The following LYPD6 variants were observed in gnomAD, a reference collection of about 807,000 sequenced individuals.
The protein encoded by LYPD6 is ly6/PLAUR domain-containing protein 6.
Under a neutral mutation model 22.7 loss-of-function variants are expected in LYPD6, and 15 were observed. The observed-to-expected ratio is 0.66, with a 90% CI of 0.44 to 1.02. The LOEUF is 1.02. Among genes scored for constraint, LYPD6 ranks in the 50% least tolerant of loss-of-function variants. LYPD6 has a pLI of 0.00. For synonymous variants in LYPD6, 72 were observed against 77.5 expected (o/e 0.93, Z 0.37); for missense variants, 189 against 208.4 (o/e 0.91, Z 0.57).
chr2:149,429,523 A>T (rs1403478391), intron 1 of LYPD6, among the ~76,000 whole-genome samples: 1 of 152,250 alleles, frequency 6.6e-6, no homozygotes, highest in Non-Finnish European at 1.5e-5. Context: ...ATGTGTTCTT[A>T]AAAATGCTAC....
intron 1 of LYPD6, among the ~76,000 whole-genome samples, chr2:149,368,602 ATGT>A (rs1681732332): frequency 6.6e-6 from 1 of 152,158 alleles, no homozygotes; most frequent in Non-Finnish European, 1.5e-5. Flanking sequence ...GAGTTCTTGG[ATGT>A]TGTTCCAGGG....
Position 149,364,068 on chromosome 2 carries a change from C to T in LYPD6, c.-72+33346C>T, listed in dbSNP as rs182718749. ...TTATCTTGTAGCCCATAGGAAGGTA[C>T]GACTTATAGAAGATTTGCAATGATT... On this transcript the variant is annotated intron_variant, in intron 1 of 4. Coordinates refer to ENST00000334166, the MANE Select transcript of LYPD6 (RefSeq NM_194317.5). Among the ~76,000 whole-genome samples, 6 of 152,208 alleles carry T rather than the reference C, an allele frequency of 3.9e-5. No homozygotes were observed. The East Asian group carries it at 5.8e-4, about 15-fold the overall frequency.
chr2:149,358,990 A>G (rs1681518857), intron 1 of LYPD6, among the ~76,000 whole-genome samples: 1 of 152,184 alleles, frequency 6.6e-6, no homozygotes, highest in Non-Finnish European at 1.5e-5. Flanking sequence ...ATTATTCTTT[A>G]AATAAAACAA....
At chr2:149,366,878 C>A (rs1274215510) in intron 1 of LYPD6, among the ~76,000 whole-genome samples, 1 of 152,144 alleles carries the variant, frequency 6.6e-6, no homozygotes, top group Non-Finnish European at 1.5e-5. Context: ...TTCCATTCCC[C>A]CCCACTTCAT....
At chr2:149,350,421 G>C (rs1388534690) in intron 1 of LYPD6, among the ~76,000 whole-genome samples, 3 of 152,152 alleles carry the variant, frequency 2.0e-5, no homozygotes, top group Non-Finnish European at 4.4e-5. Context: ...ATGCCCATTT[G>C]TTCTTTGGGT....
intron 1 of LYPD6, among the ~76,000 whole-genome samples, chr2:149,415,189 A>T (rs1347270580): frequency 6.6e-6 from 1 of 152,158 alleles, no homozygotes; most frequent in Non-Finnish European, 1.5e-5. Context: ...AACTTGGTGT[A>T]GGATGTGGAG....
At chr2:149,485,878 T>A in the LYPD6 span, among the ~76,000 whole-genome samples, 1 of 152,156 alleles carries the variant, frequency 6.6e-6, no homozygotes, top group Non-Finnish European at 1.5e-5. Flanking sequence ...AAAGACACTA[T>A]GGCCTAAAGG....
At chr2:149,405,592 A>G (rs1460931563) in intron 1 of LYPD6, among the ~76,000 whole-genome samples, 3 of 152,146 alleles carry the variant, frequency 2.0e-5, no homozygotes, top group East Asian at 3.8e-4. Context: ...CCGCTTTATC[A>G]TTTTTTATTG....
At chr2:149,445,286 TTAACA>T (rs1683662364) in intron 2 of LYPD6, among the ~76,000 whole-genome samples, 1 of 152,254 alleles carries the variant, frequency 6.6e-6, no homozygotes, top group Non-Finnish European at 1.5e-5. Flanking sequence ...CAGAGTAGAC[TTAACA>T]TAATTTTTAA....
intron 1 of LYPD6, among the ~76,000 whole-genome samples, chr2:149,364,049 T>C (rs1034141057): frequency 3.9e-5 from 6 of 152,188 alleles, no homozygotes; most frequent in Admixed American, 3.9e-4. Flanking sequence ...ATTTTTATCT[T>C]GTAGCCCATA....
chr2:149,417,182 G>A (rs1682983190), intron 1 of LYPD6, among the ~76,000 whole-genome samples: 1 of 152,122 alleles, frequency 6.6e-6, no homozygotes, highest in Non-Finnish European at 1.5e-5. Flanking sequence ...ACATGCCAAG[G>A]GCAATTTCTT....
Position 149,353,690 on chromosome 2 carries a change from G to A in LYPD6, c.-72+22968G>A, listed in dbSNP as rs187880244. On this transcript the variant is annotated intron_variant, in intron 1 of 4. Coordinates refer to ENST00000334166, the MANE Select transcript of LYPD6 (RefSeq NM_194317.5). ...GGAAGGCAAATGAATTTGAACATCA[G>A]GTTACTCCTCCCCCTATAAAATTTG... Among the ~76,000 whole-genome samples the A allele has an allele frequency of 1.4e-3, 220 of 152,074 alleles. 1 individual carries two copies. The highest frequency in any genetic ancestry group is 5.1e-3 in the African/African-American group (210 of 41,478).
At chr2:149,459,728 C>T (rs747097065) in intron 3 of LYPD6, among the ~76,000 whole-genome samples, 2 of 151,908 alleles carry the variant, frequency 1.3e-5, no homozygotes, top group Non-Finnish European at 2.9e-5. Flanking sequence ...TTGATGAAAC[C>T]CCATCTCTAC....
chr2:149,421,226 T>C (rs376789554), intron 1 of LYPD6, among the ~76,000 whole-genome samples: 1 of 151,834 alleles, frequency 6.6e-6, no homozygotes, highest in Admixed American at 6.6e-5. Context: ...CTGTCTCTAT[T>C]AAAAATACAA....
At chr2:149,461,449 T>C (rs1681086148) in intron 3 of LYPD6, among the ~76,000 whole-genome samples, 1 of 151,904 alleles carries the variant, frequency 6.6e-6, no homozygotes, top group Admixed American at 6.6e-5. Context: ...TGGAGAATTT[T>C]ACCAAGTTTT....
intron 3 of LYPD6, among the ~76,000 whole-genome samples, chr2:149,452,075 T>C (rs367587848): frequency 6.6e-6 from 1 of 152,174 alleles, no homozygotes; most frequent in East Asian, 1.9e-4. Context: ...AGGTCCAGCA[T>C]TGAAGAGAAC....
chr2:149,409,239 G>A (rs1454402167), intron 1 of LYPD6, among the ~76,000 whole-genome samples: 1 of 152,212 alleles, frequency 6.6e-6, no homozygotes, highest in Non-Finnish European at 1.5e-5. Context: ...AGTGTCTGCA[G>A]AGTCCTGTGA....
At chr2:149,348,574 A>T (rs911715735) in intron 1 of LYPD6, among the ~76,000 whole-genome samples, 8 of 152,228 alleles carry the variant, frequency 5.3e-5, no homozygotes, top group South Asian at 2.1e-4. Flanking sequence ...GCCCTCCAAG[A>T]AGGCAGGTAG....
chr2:149,361,816 TC>T lies in LYPD6; in HGVS notation c.-72+31095del, dbSNP rs554346446. Among the ~76,000 whole-genome samples, 10 of 152,298 alleles carry T rather than the reference TC, an allele frequency of 6.6e-5. No homozygotes were observed. The South Asian group carries it at 2.1e-3, about 32-fold the overall frequency. ...GTTACCTTACATGGTAAAAGGGATT[TC>T]TTAGATGTGGTTAATTAAGGATCCT... On this transcript the variant is annotated intron_variant, in intron 1 of 4. Transcript: ENST00000334166.
Sources: gnomAD v4.1 joint callset for allele counts (sites outside exome capture counted in the v4.1 genomes callset) on GRCh38, gnomAD v4.1.1 for gene constraint, MANE v1.5 for transcripts, NCBI Gene and HGNC (gene_info 2026-07-23, HGNC 2026-07-21) for gene names.